Variants in FBXL17 observed in about 807,000 individuals in gnomAD.
The protein encoded by FBXL17 is F-box and leucine rich repeat protein 17, also known as F-box/LRR-repeat protein 17.
In FBXL17, 22 loss-of-function variants were observed where a neutral mutation model predicts 66.2. The ratio of observed to expected loss-of-function variants is 0.33; its 90% CI spans 0.24 to 0.47. The LOEUF (loss-of-function observed/expected upper bound fraction) is 0.47. FBXL17 is among the 20% of genes least tolerant of loss of function. The probability of loss-of-function intolerance (pLI) is 1.00; values close to 1 mark genes in which losing one functional copy is unlikely to be tolerated. For missense variants in FBXL17, 878 were observed against 948.2 expected (o/e 0.93, Z 0.97); for synonymous variants, 474 against 400.5 (o/e 1.18, Z -2.19).
At chr5:108,289,072 C>T (rs897164130) in intron 4 of FBXL17, among the ~76,000 whole-genome samples, 2 of 152,046 alleles carry the variant, frequency 1.3e-5, no homozygotes, top group African/African-American at 4.8e-5. Flanking sequence ...TGGAACACCT[C>T]TACTTACTAG....
rs553817856 is a variant in FBXL17 at position 107,860,205 on chromosome 5, T to G, written c.*1515A>C. ...ATCTTGTTTCTTACAGCTAATGTCA[T>G]GTTAGCAATGTGAGACTTAAAGAAA... On this transcript the variant is annotated 3_prime_UTR_variant, in exon 9 of 9. Coordinates refer to ENST00000542267, the MANE Select transcript of FBXL17 (RefSeq NM_001163315.3). The G allele has an allele frequency of 1.3e-3, 206 of 152,762 alleles. 1 individual carries two copies. Among genetic ancestry groups the G allele is most frequent in the Non-Finnish European group, 2.3e-3 (159 of 68,010 alleles). The allele number at this position is 152,762 out of a possible 1,614,324, so 9.5% of individuals were successfully genotyped here. A position where few individuals can be genotyped will look rare whatever the true frequency, so the allele number is the denominator to read the frequency against.
chr5:107,938,924 T>C (rs1751000158), intron 7 of FBXL17, among the ~76,000 whole-genome samples: 1 of 152,170 alleles, frequency 6.6e-6, no homozygotes, highest in Non-Finnish European at 1.5e-5. Context: ...TTCATAATAT[T>C]GTATTTCTAG....
At chr5:108,328,497 G>GA (rs1192435857) in intron 4 of FBXL17, among the ~76,000 whole-genome samples, 4 of 151,728 alleles carry the variant, frequency 2.6e-5, no homozygotes, top group African/African-American at 9.7e-5. Flanking sequence ...TTTGTGATGG[G>GA]AAAAAATGAA....
chr5:107,879,636 T>G (rs1015004928), intron 8 of FBXL17: 1 of 985,482 alleles, frequency 1.0e-6, no homozygotes, highest in Admixed American at 6.1e-5. Context: ...ACAAGAGCTT[T>G]GGGCCATACT....
At chr5:107,880,255 G>A (rs1040013479) in intron 8 of FBXL17, 2 of 515,874 alleles carry the variant, frequency 3.9e-6, no homozygotes, top group Admixed American at 6.4e-5. Flanking sequence ...TTGGGGGAGA[G>A]GGGGATAGAG....
At chr5:108,338,907 G>C (rs540975116) in intron 4 of FBXL17, among the ~76,000 whole-genome samples, 4 of 152,228 alleles carry the variant, frequency 2.6e-5, no homozygotes, top group Admixed American at 1.3e-4. Flanking sequence ...AGCACTAATA[G>C]GAACAGTACT....
intron 4 of FBXL17, among the ~76,000 whole-genome samples, chr5:108,288,614 A>C (rs1757994774): frequency 6.6e-6 from 1 of 152,054 alleles, no homozygotes; most frequent in Non-Finnish European, 1.5e-5. Context: ...AAGAGAAAAA[A>C]ACAGAAAATG....
intron 7 of FBXL17, among the ~76,000 whole-genome samples, chr5:108,018,366 C>T (rs1235911451): frequency 6.6e-6 from 1 of 152,154 alleles, no homozygotes; most frequent in Non-Finnish European, 1.5e-5. Flanking sequence ...GTCTCTCCAG[C>T]AGTGCAGTTA....
At chr5:107,953,413 A>AAAG (rs1372775731) in intron 7 of FBXL17, among the ~76,000 whole-genome samples, 4 of 151,298 alleles carry the variant, frequency 2.6e-5, no homozygotes, top group Non-Finnish European at 5.9e-5. Context: ...AAAAAAAAAA[A>AAAG]AAAAAAAAAA....
chr5:108,335,249 AAT>A (rs1237066589), intron 4 of FBXL17, among the ~76,000 whole-genome samples: 7 of 138,614 alleles, frequency 5.0e-5, no homozygotes, highest in African/African-American at 1.8e-4. Context: ...AACACACAAC[AAT>A]ATATGGCTCA....
At chr5:108,066,364 G>C (rs1480021875) in intron 6 of FBXL17, among the ~76,000 whole-genome samples, 2 of 151,832 alleles carry the variant, frequency 1.3e-5, no homozygotes. Context: ...TATCTTTTTT[G>C]ACATAAAAAG....
chr5:108,330,535 G>T (rs1430568206), intron 4 of FBXL17, among the ~76,000 whole-genome samples: 2 of 151,960 alleles, frequency 1.3e-5, no homozygotes, highest in Non-Finnish European at 2.9e-5. Context: ...ATCTCACCAA[G>T]ATATATTTTA....
intron 5 of FBXL17, among the ~76,000 whole-genome samples, chr5:108,189,549 G>C (rs1279061400): frequency 2.0e-5 from 3 of 152,166 alleles, no homozygotes; most frequent in Admixed American, 6.5e-5. Flanking sequence ...AAAATTCTAA[G>C]ATGATCCCAA....
At chr5:107,880,638 G>A in intron 8 of FBXL17, 1 of 1,156,594 alleles carries the variant, frequency 8.6e-7, no homozygotes, top group Non-Finnish European at 1.1e-6. Context: ...AACCAATTTG[G>A]CACTGTTCTT....
intron 7 of FBXL17, among the ~76,000 whole-genome samples, chr5:107,946,630 A>G (rs1751308204): frequency 2.0e-5 from 3 of 151,870 alleles, no homozygotes; most frequent in Admixed American, 2.0e-4. Flanking sequence ...CTTGAATCAC[A>G]ATCTTGTATC....
chr5:107,971,864 C>T (rs912036250), intron 7 of FBXL17, among the ~76,000 whole-genome samples: 48 of 152,178 alleles, frequency 3.2e-4, no homozygotes, highest in African/African-American at 1.1e-3. Context: ...TAACTCCTCA[C>T]CCCAATTCTG....
chr5:108,109,934 A>T (rs1351332943), intron 6 of FBXL17, among the ~76,000 whole-genome samples: 1 of 152,214 alleles, frequency 6.6e-6, no homozygotes, highest in Non-Finnish European at 1.5e-5. Flanking sequence ...CTTCCATTCT[A>T]TTAAAATCAG....
intron 7 of FBXL17, among the ~76,000 whole-genome samples, chr5:107,995,917 A>T (rs1383753663): frequency 6.6e-6 from 1 of 152,198 alleles, no homozygotes. Flanking sequence ...AAAAAATCAG[A>T]ATCTGTAGTT....
At chr5:108,020,676 G>C (rs1754561548) in intron 7 of FBXL17, 2 of 297,102 alleles carry the variant, frequency 6.7e-6, no homozygotes, top group South Asian at 1.9e-4. Context: ...TTGTGTGAGT[G>C]TGTGTGTGCA....
Sources: allele counts gnomAD v4.1 joint callset (sites outside exome capture counted in the v4.1 genomes callset), GRCh38; gene constraint gnomAD v4.1.1; transcripts MANE v1.5; gene names NCBI Gene and HGNC (gene_info 2026-07-23, HGNC 2026-07-21).